Variants in ASB18 observed in about 807,000 individuals in gnomAD.
The protein encoded by ASB18 is ankyrin repeat and SOCS box containing 18.
A neutral mutation model predicts 33.4 loss-of-function variants in ASB18; 33 were observed. The ratio of observed to expected loss-of-function variants is 0.99; its 90% CI spans 0.75 to 1.32. The LOEUF (loss-of-function observed/expected upper bound fraction) is 1.32. Among genes scored for constraint, ASB18 ranks in the 40% most tolerant of loss-of-function variants. The pLI is 0.00. For missense variants in ASB18, 694 were observed against 655.5 expected (o/e 1.06, Z -0.64); for synonymous variants, 295 against 307.6 (o/e 0.96, Z 0.43).
Position 236,235,686 on chromosome 2 carries a change from C to A in ASB18, c.596+2003G>T, listed in dbSNP as rs1282892791. ...ATGTAAAATGGTACAACTTTCAAAACTAGTTGGGCCATTTATTAGTTATTG... is the reference window on the plus strand; with the variant it reads ...ATGTAAAATGGTACAACTTTCAAAAATAGTTGGGCCATTTATTAGTTATTG... On this transcript the variant is annotated intron_variant, in intron 3 of 5. Coordinates refer to ENST00000409749, the MANE Select transcript of ASB18 (RefSeq NM_212556.4). This position sits in a 1 kb window ranked among gnomAD's most constrained non-coding sequence, Gnocchi z 6.2. Among the ~76,000 whole-genome samples the A allele has an allele frequency of 1.3e-5, 2 of 152,152 alleles. No individual in the cohort carries two copies. Among genetic ancestry groups the A allele is most frequent in the African/African-American group, 2.4e-5 (1 of 41,422 alleles).
At position 236,260,143 on chromosome 2, in the gene ASB18, T is replaced by C. The variant is rs1317045235; in HGVS notation, c.205+3998A>G. ...GCAGAGCGAATGGTTACTTTTCTTTTTCTTATTTTTTCACATTGTCATCTT... is the reference window on the plus strand; with the variant it reads ...GCAGAGCGAATGGTTACTTTTCTTTCTCTTATTTTTTCACATTGTCATCTT... On this transcript the variant is annotated intron_variant, in intron 1 of 5. Transcript: ENST00000409749. This position sits in a 1 kb window ranked among gnomAD's most constrained non-coding sequence, Gnocchi z 5.1. Among the ~76,000 whole-genome samples the C allele has an allele frequency of 6.6e-6, 1 of 152,232 alleles. No individual in the cohort carries two copies. Among genetic ancestry groups the C allele is most frequent in the Admixed American group, 6.5e-5 (1 of 15,290 alleles).
Position 236,256,884 on chromosome 2 carries a change from G to GA in ASB18, c.205+7256dup, listed in dbSNP as rs892964225. Among the ~76,000 whole-genome samples, 19 of 149,632 alleles carry GA rather than the reference G, an allele frequency of 1.3e-4. No homozygotes were observed. Among genetic ancestry groups the GA allele is most frequent in the African/African-American group, 9.8e-5 (4 of 40,722 alleles). ...CAGTGTCATTCAACCTGCTTCTGGG[G>GA]AAAAAAAAAGAGCCTAGGGTGTGTG... On this transcript the variant is annotated intron_variant, in intron 1 of 5. Transcript: ENST00000409749. This position sits in a 1 kb window ranked among gnomAD's most constrained non-coding sequence, Gnocchi z 4.7.
chr2:236,254,862 T>C (rs1488815900), intron 1 of ASB18, among the ~76,000 whole-genome samples: 1 of 151,806 alleles, frequency 6.6e-6, no homozygotes, highest in African/African-American at 2.4e-5. Context: ...TGGTGGGAGG[T>C]GATGGGATCA....
In ASB18 at chr2:236,215,489, A is replaced by G. The variant is rs2060483546; in HGVS notation, c.597-623T>C. ...CCTGTGCTGCTTGAACAGACTGGAT[A>G]TTGGCTGCACCTGAATTCCCCAGTG... On this transcript the variant is annotated intron_variant, in intron 3 of 5. Coordinates refer to ENST00000409749, the MANE Select transcript of ASB18 (RefSeq NM_212556.4). This position sits in a 1 kb window ranked among gnomAD's most constrained non-coding sequence, Gnocchi z 7.2. Among the ~76,000 whole-genome samples, 1 of 152,076 alleles carries G rather than the reference A, an allele frequency of 6.6e-6. No homozygotes were observed. The highest frequency in any genetic ancestry group is 6.5e-5 in the Admixed American group (1 of 15,272).
At position 236,225,476 on chromosome 2, in the gene ASB18, C is replaced by T. The variant is rs983049115; in HGVS notation, c.597-10610G>A. ...CAAAAAAGTAAACTTGCATGCTTTT[C>T]ATTAATAAATTCCGTGAGGAAAGCA... is the stretch of plus-strand genomic sequence containing the variant. On this transcript the variant is annotated intron_variant, in intron 3 of 5. Transcript: ENST00000409749. The surrounding 1 kb of genome is among the most constrained non-coding windows in gnomAD (Gnocchi z 5.1). 4.3e-4 allele frequency among the ~76,000 whole-genome samples: 66 copies of T among 152,178 alleles called. No individual in the cohort carries two copies. Among genetic ancestry groups the T allele is most frequent in the Non-Finnish European group, 1.8e-4 (12 of 68,042 alleles).
In ASB18 at chr2:236,203,386, G is replaced by T. The variant is rs2060415510; in HGVS notation, c.1102-7001C>A. On this transcript the variant is annotated intron_variant, in intron 4 of 5. Transcript: ENST00000409749. The surrounding 1 kb of genome is among the most constrained non-coding windows in gnomAD (Gnocchi z 6.0). The stretch of plus-strand genomic sequence containing the variant: ...GAGAAAACGTATTATGCCAGGTTTG[G>T]GAGGTGAGAAGGAGCAAATAATGTT... Among the ~76,000 whole-genome samples the T allele has an allele frequency of 6.6e-6, 1 of 152,142 alleles. No homozygotes were observed. The highest frequency in any genetic ancestry group is 2.1e-4 in the South Asian group (1 of 4,826).
At chr2:236,236,416 AG>A (rs1345134436) in intron 3 of ASB18, among the ~76,000 whole-genome samples, 1 of 152,192 alleles carries the variant, frequency 6.6e-6, no homozygotes, top group Non-Finnish European at 1.5e-5. Context: ...GTGAGGCCAC[AG>A]GGGGAATGAT....
chr2:236,207,283 T>C (rs2060439065), intron 4 of ASB18, among the ~76,000 whole-genome samples: 1 of 152,238 alleles, frequency 6.6e-6, no homozygotes, highest in Non-Finnish European at 1.5e-5. Context: ...AGTGTATACT[T>C]CAATCTGACT....
chr2:236,212,681 G>C (rs577561216), intron 4 of ASB18, among the ~76,000 whole-genome samples: 1 of 152,224 alleles, frequency 6.6e-6, no homozygotes, highest in African/African-American at 2.4e-5. Flanking sequence ...CTGGAGTGTA[G>C]TGTTGCTATC....
In ASB18 at chr2:236,208,912, G is replaced by A. The variant is rs987637403; in HGVS notation, c.1101+5450C>T. On this transcript the variant is annotated intron_variant, in intron 4 of 5. Coordinates refer to ENST00000409749, the MANE Select transcript of ASB18 (RefSeq NM_212556.4). The surrounding 1 kb of genome is among the most constrained non-coding windows in gnomAD (Gnocchi z 7.7). ...CCACACTCTCTTCAGCTAATGAGGC[G>A]GCAGAAAGAAAATTAAGGGGAAAAA... Among the ~76,000 whole-genome samples, 21 of 152,118 alleles carry A rather than the reference G, an allele frequency of 1.4e-4. No individual in the cohort carries two copies. The highest frequency in any genetic ancestry group is 2.8e-4 in the Non-Finnish European group (19 of 68,028).
chr2:236,202,229 G>A (rs2060406520), intron 4 of ASB18, among the ~76,000 whole-genome samples: 1 of 152,086 alleles, frequency 6.6e-6, no homozygotes, highest in African/African-American at 2.4e-5. Context: ...GGGATTACAG[G>A]TGTGCGCCAC....
intron 1 of ASB18, among the ~76,000 whole-genome samples, chr2:236,246,401 CT>C (rs1386966689): frequency 2.0e-5 from 3 of 149,078 alleles, no homozygotes; most frequent in South Asian, 2.1e-4. Context: ...TGTATGCCCC[CT>C]GAGAACTCTT....
In ASB18 at chr2:236,237,767, TGCA is replaced by T; in HGVS notation, c.515_517del (p.Leu172del). 1.4e-6 allele frequency: 2 copies of T among 1,447,906 alleles called. No individual in the cohort carries two copies. The highest frequency in any genetic ancestry group is 2.5e-5 in the Admixed American group (1 of 39,422). The allele number at this position is 1,447,906 out of a possible 1,614,324, so 89.7% of individuals were successfully genotyped here. ...GAGCAGGTCGGGGTCGGCGCGGTGC[TGCA>T]GCAGCAGGCGGACGCAGGCGGTGTG... On this transcript the variant is annotated inframe_deletion, in exon 3 of 6. Transcript: ENST00000409749. This position sits in a 1 kb window ranked among gnomAD's most constrained non-coding sequence, Gnocchi z 6.2.
chr2:236,233,212 G>A (rs1198356664), intron 3 of ASB18, among the ~76,000 whole-genome samples: 1 of 152,034 alleles, frequency 6.6e-6, no homozygotes, highest in Admixed American at 6.5e-5. Context: ...CATATATGTA[G>A]AAAAAGCACT....
In ASB18 at chr2:236,237,380, GC is replaced by G. The variant is rs1431293774; in HGVS notation, c.596+308del. 1.6e-4 allele frequency among the ~76,000 whole-genome samples: 10 copies of G among 61,022 alleles called. 2 individuals are homozygous for G. The highest frequency in any genetic ancestry group is 8.5e-4 in the African/African-American group (6 of 7,036). 40.0% of individuals were successfully genotyped at this position (61,022 alleles called of 152,430 possible). The stretch of plus-strand genomic sequence containing the variant: ...GCGGGGCGGGGGCCGGGGCCGGGGC[GC>G]GGGGCGGGGGCCGGGGCCGGGGCGC... On this transcript the variant is annotated intron_variant, in intron 3 of 5. Transcript: ENST00000409749. This position sits in a 1 kb window ranked among gnomAD's most constrained non-coding sequence, Gnocchi z 6.2.
rs1404592697 is a variant in ASB18 at position 236,209,287 on chromosome 2, TTTTA to T, written c.1101+5071_1101+5074del. ...TCTAGAATCTGCTTTTTTTTTTTTT[TTTTA>T]AGACAAGGTCTTGCTCTGTCGTCCA... On this transcript the variant is annotated intron_variant, in intron 4 of 5. Transcript: ENST00000409749. The surrounding 1 kb of genome is among the most constrained non-coding windows in gnomAD (Gnocchi z 4.4). 1.9e-4 allele frequency among the ~76,000 whole-genome samples: 29 copies of T among 152,104 alleles called. No individual in the cohort carries two copies. Among genetic ancestry groups the T allele is most frequent in the African/African-American group, 6.5e-4 (27 of 41,502 alleles).
rs769710451 is a variant in ASB18 at position 236,234,834 on chromosome 2, A to G, written c.596+2855T>C. Among the ~76,000 whole-genome samples the G allele has an allele frequency of 3.9e-5, 6 of 152,238 alleles. No homozygotes were observed. In the South Asian group the frequency reaches 1.2e-3, roughly 31 times the overall value. The stretch of plus-strand genomic sequence containing the variant: ...TTAAATGTAAAATGTAAAGTTATGA[A>G]ATTTCTAGAAGAAAATATAAGAGAA... On this transcript the variant is annotated intron_variant, in intron 3 of 5. Coordinates refer to ENST00000409749, the MANE Select transcript of ASB18 (RefSeq NM_212556.4). This position sits in a 1 kb window ranked among gnomAD's most constrained non-coding sequence, Gnocchi z 4.1.
intron 4 of ASB18, among the ~76,000 whole-genome samples, chr2:236,207,288 C>A (rs2060439097): frequency 1.3e-5 from 2 of 152,206 alleles, no homozygotes. Context: ...ATACTTCAAT[C>A]TGACTGTGCT....
rs1399169251 is a variant in ASB18 at position 236,244,866 on chromosome 2, C to T, written c.206-3464G>A. Among the ~76,000 whole-genome samples the T allele has an allele frequency of 6.6e-6, 1 of 152,252 alleles. No homozygotes were observed. Among genetic ancestry groups the T allele is most frequent in the African/African-American group, 2.4e-5 (1 of 41,464 alleles). On this transcript the variant is annotated intron_variant, in intron 1 of 5. Transcript: ENST00000409749. This position sits in a 1 kb window ranked among gnomAD's most constrained non-coding sequence, Gnocchi z 6.1. ...TGACCCTTGTTGTAGAACCCTTGTT[C>T]TGACCCCTGTTACAGGCATGAGTTT...
Sources: gnomAD v4.1 joint callset for allele counts (sites outside exome capture counted in the v4.1 genomes callset) on GRCh38, gnomAD v4.1.1 for gene constraint, Gnocchi (gnomAD v3.1) non-coding constraint, MANE v1.5 for transcripts, NCBI Gene and HGNC (gene_info 2026-07-23, HGNC 2026-07-21) for gene names.